The following SLC7A7 variants were observed in gnomAD, a reference collection of about 807,000 sequenced individuals.
The protein encoded by SLC7A7 is Y+L amino acid transporter 1.
In SLC7A7, 39 loss-of-function variants were observed where a neutral mutation model predicts 47.9. The observed-to-expected ratio is 0.81, with a 90% CI of 0.63 to 1.06. The LOEUF is 1.06. SLC7A7 is among the 50% of genes least tolerant of loss of function. SLC7A7 has a pLI of 0.00. For missense variants in SLC7A7, 588 were observed against 632.0 expected (o/e 0.93, Z 0.75); for synonymous variants, 234 against 242.8 (o/e 0.96, Z 0.34).
At chr14:22,815,801 T>C (rs1290529548), upstream of SLC7A7, 2 of 406,164 alleles carry the variant, frequency 4.9e-6, no homozygotes, top group African/African-American at 4.1e-5. Context: ...GTGTCCTCCA[T>C]GCCCCACCCT....
At chr14:22,800,921 C>T (rs776322204) in intron 2 of SLC7A7, among the ~76,000 whole-genome samples, 6 of 151,836 alleles carry the variant, frequency 4.0e-5, no homozygotes, top group Non-Finnish European at 7.4e-5. Context: ...CCTGCACAAC[C>T]GGAGCAAGAC....
intron 2 of SLC7A7, among the ~76,000 whole-genome samples, chr14:22,801,846 G>A (rs2331771): frequency 0.76 from 116,122 of 152,076 alleles, 45,588 homozygotes; most frequent in Non-Finnish European, 0.86. Context: ...CCATGCATGC[G>A]GTCACACACA....
intron 2 of SLC7A7, among the ~76,000 whole-genome samples, chr14:22,806,028 C>T (rs574694353): frequency 2.3e-4 from 34 of 149,632 alleles, no homozygotes; most frequent in South Asian, 6.4e-4. Context: ...GTAATCCCAG[C>T]CACTCGGGAG....
intron 2 of SLC7A7, among the ~76,000 whole-genome samples, chr14:22,799,448 C>CTTTTTTTTTTTTTTTTTTTTTTT (rs56375225): frequency 3.9e-4 from 30 of 76,182 alleles, no homozygotes; most frequent in Non-Finnish European, 5.5e-4. Flanking sequence ...TTTTTTCTTT[C>CTTTTTTTTTTTTTTTTTTTTTTT]TTTTTTTTTT....
chr14:22,803,714 C>A (rs1242179414), intron 2 of SLC7A7, among the ~76,000 whole-genome samples: 2 of 152,100 alleles, frequency 1.3e-5, no homozygotes, highest in Non-Finnish European at 2.9e-5. Context: ...ACATAGGCCA[C>A]GGTAGAAATG....
chr14:22,773,945 G>A lies in SLC7A7; in HGVS notation c.1417C>T (p.Arg473Ter), dbSNP rs386833808. Reference protein sequence around the residue: ...VPEHKRPLYLRRIVGSATRYL... With the variant: ...VPEHKRPLYL ...ATGCACGGCTTACCCACGATCCTTC[G>A]GAGGTAAAGCGGTCGCTTATGTTCT... The change falls in exon 9 of 10, where the codon CGA becomes TGA. Residue 473 changes from arginine (R) to a stop codon, truncating the protein, a stop_gained. Coordinates refer to ENST00000674313, the MANE Select transcript of SLC7A7 (RefSeq NM_003982.4). LOFTEE classifies it high-confidence loss of function. The A allele has an allele frequency of 1.8e-5, 29 of 1,614,018 alleles. No homozygotes were observed. The highest frequency in any genetic ancestry group is 2.7e-5 in the African/African-American group (2 of 74,928).
At position 22,776,293 on chromosome 14, in the gene SLC7A7, A is replaced by G; in HGVS notation, c.796T>C (p.Ser266Pro). The G allele has an allele frequency of 6.2e-7, 1 of 1,614,216 alleles. No homozygotes were observed. Among genetic ancestry groups the G allele is most frequent in the Non-Finnish European group, 8.5e-7 (1 of 1,180,010 alleles). ...TAGATGATGGTGACAATGGGCATGGAGATGCCAATGGAGAGGGGCAGGTTC... is the reference window on the plus strand; with the variant it reads ...TAGATGATGGTGACAATGGGCATGGGGATGCCAATGGAGAGGGGCAGGTTC... ...ERNLPLSIGI[S>P]MPIVTIIYIL... Residue 266 changes from serine to proline, a missense_variant, in exon 5 of 10, where the codon TCC becomes CCC. By Grantham distance (74) the Ser-to-Pro change is moderately conservative. Coordinates refer to ENST00000674313, the MANE Select transcript of SLC7A7 (RefSeq NM_003982.4).
rs943494579 is a variant in SLC7A7, at chr14:22,810,980, GA to G, written c.499+1919del. Among the ~76,000 whole-genome samples the G allele has an allele frequency of 2.2e-4, 33 of 148,606 alleles. No homozygotes were observed. In the South Asian group the frequency reaches 5.1e-3, roughly 23 times the overall value. On this transcript the variant is annotated intron_variant, in intron 2 of 9. Coordinates refer to ENST00000674313, the MANE Select transcript of SLC7A7 (RefSeq NM_003982.4). ...GCAACAAGAGTGAAACTCCGTCTCG[GA>G]AAAAAAAAACCTCAGTGAAAACCCC...
intron 2 of SLC7A7, among the ~76,000 whole-genome samples, chr14:22,793,042 A>G (rs1161014124): frequency 6.6e-6 from 1 of 151,196 alleles, no homozygotes; most frequent in African/African-American, 2.4e-5. Context: ...TCAGCCTCCC[A>G]AGTAGCTGAG....
chr14:22,797,254 G>A (rs1261055259), intron 2 of SLC7A7, among the ~76,000 whole-genome samples: 1 of 152,160 alleles, frequency 6.6e-6, no homozygotes, highest in African/African-American at 2.4e-5. Flanking sequence ...TAGAACTTCA[G>A]AGCACTGGGG....
chr14:22,795,289 G>C (rs2038993424), intron 2 of SLC7A7, among the ~76,000 whole-genome samples: 1 of 143,944 alleles, frequency 6.9e-6, no homozygotes, highest in South Asian at 2.2e-4. Flanking sequence ...TCTCCAGACT[G>C]GTCTCCTGAG....
intron 2 of SLC7A7, among the ~76,000 whole-genome samples, chr14:22,789,752 T>G (rs1458630806): frequency 6.6e-6 from 1 of 151,392 alleles, no homozygotes; most frequent in Non-Finnish European, 1.5e-5. Context: ...TTCTTAAAGA[T>G]GAAAGAGGGA....
chr14:22,789,087 G>A (rs567281522), intron 2 of SLC7A7, among the ~76,000 whole-genome samples: 5 of 152,278 alleles, frequency 3.3e-5, no homozygotes, highest in Non-Finnish European at 5.9e-5. Flanking sequence ...ATTCATACAC[G>A]TTACTAATGA....
intron 2 of SLC7A7, among the ~76,000 whole-genome samples, chr14:22,792,760 G>A (rs952641313): frequency 6.6e-6 from 1 of 150,678 alleles, no homozygotes; most frequent in African/African-American, 2.4e-5. Flanking sequence ...GGGAGTCTGA[G>A]AGAGGAGAAT....
At chr14:22,814,209 C>CTAAA (rs2039371709) in intron 1 of SLC7A7, among the ~76,000 whole-genome samples, 1 of 151,708 alleles carries the variant, frequency 6.6e-6, no homozygotes, top group African/African-American at 2.4e-5. Context: ...TTGGGCCGGG[C>CTAAA]GCTGTGGCTC....
intron 2 of SLC7A7, 42 bp downstream of exon 2, chr14:22,812,858 T>C: frequency 6.3e-7 from 1 of 1,599,410 alleles, no homozygotes; most frequent in Non-Finnish European, 8.5e-7. Context: ...CCAGCCTCTG[T>C]CCAGCCCTCC....
intron 4 of SLC7A7, among the ~76,000 whole-genome samples, chr14:22,778,423 G>A (rs557734360): frequency 1.3e-5 from 2 of 152,332 alleles, no homozygotes; most frequent in East Asian, 3.9e-4. Context: ...ACACAGGAAG[G>A]TTTCTGGAAG....
At chr14:22,788,511 T>C (rs984508935) in intron 2 of SLC7A7, among the ~76,000 whole-genome samples, 3 of 151,320 alleles carry the variant, frequency 2.0e-5, no homozygotes, top group South Asian at 4.2e-4. Context: ...GAGATCAGCC[T>C]GGCCAACATG....
Position 22,779,638 on chromosome 14 carries a change from C to T in SLC7A7, c.625+288G>A, listed in dbSNP as rs532646567. On this transcript the variant is annotated intron_variant, in intron 3 of 9. Transcript: ENST00000674313. ...CCCGGCTAATTTTTGTATTTTTAGTCGAGATGGGGTTTCACCATCTTGGCC... is the reference window on the plus strand; with the variant it reads ...CCCGGCTAATTTTTGTATTTTTAGTTGAGATGGGGTTTCACCATCTTGGCC... 4.1e-3 allele frequency among the ~76,000 whole-genome samples: 621 copies of T among 151,712 alleles called. 4 individuals carry two copies. Among genetic ancestry groups the T allele is most frequent in the Non-Finnish European group, 5.8e-3 (391 of 67,886 alleles).
Sources: allele counts gnomAD v4.1 joint callset (sites outside exome capture counted in the v4.1 genomes callset), GRCh38; gene constraint gnomAD v4.1.1; transcripts MANE v1.5; gene names NCBI Gene and HGNC (gene_info 2026-07-23, HGNC 2026-07-21).